Variants in CCDC85A observed in about 807,000 individuals in gnomAD.
The protein encoded by CCDC85A is coiled-coil domain containing 85A, also known as coiled-coil domain-containing protein 85A.
CCDC85A carries 38 observed loss-of-function variants against 50.2 expected under a neutral mutation model. The observed-to-expected ratio is 0.76, with a 90% confidence interval of 0.58 to 0.99. The LOEUF is 0.99. CCDC85A is among the 50% of genes least tolerant of loss of function. The pLI, the probability that CCDC85A is intolerant of heterozygous loss-of-function variation, is 0.00. For missense variants in CCDC85A, 820 were observed against 742.0 expected, an observed-to-expected ratio of 1.11 and a Z score of -1.22; for synonymous variants, 366 against 301.4, an observed-to-expected ratio of 1.21 and a Z score of -2.22.
rs1379224306 is a variant in CCDC85A, at chr2:56,342,919, A to G, written c.1281A>G (p.Val427=). 2 of 1,598,152 alleles carry G rather than the reference A, an allele frequency of 1.3e-6. No homozygotes were observed. The highest frequency in any genetic ancestry group is 1.7e-6 in the Non-Finnish European group (2 of 1,171,584). Residue 427 remains valine (V), a synonymous_variant, in exon 3 of 6, where the codon GTA becomes GTG. Coordinates refer to ENST00000407595, the MANE Select transcript of CCDC85A (RefSeq NM_001080433.2). ...LSYVRQLEAR[V]RQLEEENRML... ...ATGTTAGGCAGCTGGAGGCAAGAGT[A>G]AGACAGCTGGAGGAAGAAAATCGCA...
In CCDC85A at chr2:56,192,349, A is replaced by G. The variant is rs1433619873; in HGVS notation, c.277-128A>G. On this transcript the variant is annotated intron_variant, in intron 1 of 5. Transcript: ENST00000407595. This position sits in a 1 kb window ranked among gnomAD's most constrained non-coding sequence, Gnocchi z 4.7. ...AGCTACAAATCTTCAGCTTCCTCCT[A>G]CTCCCTCACCTCCTCCCCTAACCTC... 1 of 1,324,788 alleles carries G rather than the reference A, an allele frequency of 7.5e-7. No homozygotes were observed. The highest frequency in any genetic ancestry group is 1.0e-6 in the Non-Finnish European group (1 of 972,698). The allele number at this position is 1,324,788 out of a possible 1,614,324, so 82.1% of individuals were successfully genotyped here. A position where few individuals can be genotyped will look rare whatever the true frequency, so the allele number is the denominator to read the frequency against.
At chr2:56,373,456 C>G (rs1676182326) in intron 4 of CCDC85A, among the ~76,000 whole-genome samples, 1 of 151,858 alleles carries the variant, frequency 6.6e-6, no homozygotes, top group African/African-American at 2.4e-5. Context: ...TGGAAAATGG[C>G]TCAGATGATT....
chr2:56,321,856 C>G (rs879167228), intron 2 of CCDC85A, among the ~76,000 whole-genome samples: 1 of 152,132 alleles, frequency 6.6e-6, no homozygotes, highest in Non-Finnish European at 1.5e-5. Context: ...GCCAAAAGAA[C>G]AAAGCTGGAG....
intron 3 of CCDC85A, among the ~76,000 whole-genome samples, chr2:56,353,310 C>T (rs1322976866): frequency 6.6e-6 from 1 of 152,160 alleles, no homozygotes; most frequent in Admixed American, 6.5e-5. Flanking sequence ...ATGTTTCTTT[C>T]TATTCTTTAT....
intron 2 of CCDC85A, among the ~76,000 whole-genome samples, chr2:56,301,145 A>G (rs1672184417): frequency 6.6e-6 from 1 of 152,234 alleles, no homozygotes; most frequent in Non-Finnish European, 1.5e-5. Context: ...TGAAATAATA[A>G]GAATTTTTCC....
chr2:56,372,510 G>C, intron 4 of CCDC85A, 32 bp downstream of exon 4: 1 of 1,558,950 alleles, frequency 6.4e-7, no homozygotes, highest in Non-Finnish European at 8.7e-7. Context: ...GGATGCATTT[G>C]CTTGTGCATA....
At chr2:56,350,297 G>T (rs1674852165) in intron 3 of CCDC85A, among the ~76,000 whole-genome samples, 1 of 151,896 alleles carries the variant, frequency 6.6e-6, no homozygotes, top group Non-Finnish European at 1.5e-5. Flanking sequence ...CCTCCCGGGT[G>T]CAGTGGCTCA....
At chr2:56,190,594 T>C (rs1455025335) in intron 1 of CCDC85A, among the ~76,000 whole-genome samples, 1 of 152,138 alleles carries the variant, frequency 6.6e-6, no homozygotes, top group Non-Finnish European at 1.5e-5. Flanking sequence ...GGGAAGTGAC[T>C]TATAAAATGA....
chr2:56,312,839 C>G (rs537919551), intron 2 of CCDC85A, among the ~76,000 whole-genome samples: 1 of 151,758 alleles, frequency 6.6e-6, no homozygotes, highest in East Asian at 1.9e-4. Flanking sequence ...TTTTGCAAAT[C>G]TGACTATTTA....
chr2:56,375,503 T>A (rs1239947948), intron 4 of CCDC85A, among the ~76,000 whole-genome samples: 2 of 152,202 alleles, frequency 1.3e-5, no homozygotes, highest in African/African-American at 4.8e-5. Flanking sequence ...GAGTAACTCA[T>A]GAATTTCCTA....
intron 2 of CCDC85A, 43 bp downstream of exon 2, chr2:56,193,483 CAGT>C (rs1349950071): frequency 5.9e-6 from 9 of 1,530,208 alleles, no homozygotes; most frequent in Non-Finnish European, 7.9e-6. Context: ...CTGGGGAACT[CAGT>C]AGAGAGTTAC....
chr2:56,311,317 C>T (rs982982315), intron 2 of CCDC85A, among the ~76,000 whole-genome samples: 5 of 152,132 alleles, frequency 3.3e-5, no homozygotes, highest in Non-Finnish European at 7.3e-5. Context: ...CCTCAGGTCT[C>T]AATGCCTCAA....
intron 1 of CCDC85A, among the ~76,000 whole-genome samples, chr2:56,188,831 A>G (rs1676162512): frequency 6.6e-6 from 1 of 152,250 alleles, no homozygotes; most frequent in African/African-American, 2.4e-5. Context: ...TGATCAGTCC[A>G]TAAACACATA....
At chr2:56,342,424 A>T (rs750642913) in intron 2 of CCDC85A, among the ~76,000 whole-genome samples, 1 of 152,200 alleles carries the variant, frequency 6.6e-6, no homozygotes, top group Non-Finnish European at 1.5e-5. Context: ...GGATTTCGGT[A>T]TTAGATTCAG....
At chr2:56,264,350 C>T (rs765081017) in intron 2 of CCDC85A, among the ~76,000 whole-genome samples, 12 of 152,118 alleles carry the variant, frequency 7.9e-5, no homozygotes, top group Non-Finnish European at 1.3e-4. Context: ...CAAAACTGCT[C>T]CCCTGGCTGC....
intron 2 of CCDC85A, among the ~76,000 whole-genome samples, chr2:56,253,413 T>C (rs1669853299): frequency 6.6e-6 from 1 of 152,168 alleles, no homozygotes; most frequent in East Asian, 1.9e-4. Context: ...GCAGGAAGCA[T>C]GTAAAGAACA....
chr2:56,351,103 T>G (rs1378250758), intron 3 of CCDC85A, among the ~76,000 whole-genome samples: 65 of 141,434 alleles, frequency 4.6e-4, no homozygotes, highest in Non-Finnish European at 7.9e-4. Context: ...ATATGCGGTG[T>G]TTGGTTTTTT....
intron 3 of CCDC85A, among the ~76,000 whole-genome samples, chr2:56,365,802 G>T (rs1221459088): frequency 6.6e-6 from 1 of 152,012 alleles, no homozygotes; most frequent in Non-Finnish European, 1.5e-5. Context: ...TATTTTTCAA[G>T]AATGCAATAA....
chr2:56,247,906 G>A (rs373612789), intron 2 of CCDC85A, among the ~76,000 whole-genome samples: 22 of 152,306 alleles, frequency 1.4e-4, no homozygotes, highest in African/African-American at 5.3e-4. Context: ...GGTACTATAA[G>A]CTATTTAGAG....
Sources: allele counts gnomAD v4.1 joint callset (sites outside exome capture counted in the v4.1 genomes callset), GRCh38; gene constraint gnomAD v4.1.1; non-coding constraint Gnocchi (gnomAD v3.1); transcripts MANE v1.5; gene names NCBI Gene and HGNC (gene_info 2026-07-23, HGNC 2026-07-21).